APEH: variants seen among roughly 807,000 people sequenced by gnomAD.
APEH encodes the protein acylaminoacyl-peptide hydrolase, also known as acylamino-acid-releasing enzyme.
Under a neutral mutation model 102.7 loss-of-function variants are expected in APEH, and 75 were observed. The observed-to-expected ratio is 0.73, with a 90% CI of 0.61 to 0.89. The LOEUF is 0.89. APEH is among the 40% of genes least tolerant of loss of function. The pLI is 0.00. For missense variants in APEH, 863 were observed against 941.2 expected (o/e 0.92, Z 1.09); for synonymous variants, 344 against 362.7 (o/e 0.95, Z 0.59).
Position 49,681,123 on chromosome 3 carries a change from C to A in APEH, c.1322C>A (p.Ala441Glu). Residue 441 changes from alanine (A) to glutamate (E), a missense_variant, in exon 15 of 22, where the codon GCA becomes GAA. Ala to Glu is a moderately radical substitution (Grantham distance 107, BLOSUM62 -1). Transcript: ENST00000296456. ...PTLKVGFLPS[A>E]GKEQSVLWVS... ...CAGAAAGTTGGGTTCCTGCCTTCTG[C>A]AGGGAAGGAGCAGTCAGTGTTGTGG... The A allele has an allele frequency of 6.3e-7, 1 of 1,595,566 alleles. No homozygotes were observed. The highest frequency in any genetic ancestry group is 8.5e-7 in the Non-Finnish European group (1 of 1,170,498).
At position 49,681,888 on chromosome 3, in the gene APEH, G is replaced by A. The variant is rs758841344; in HGVS notation, c.1524G>A (p.Gly508=). Residue 508 remains glycine (G), a splice_region_variant and synonymous_variant, in exon 17 of 22, where the codon GGG becomes GGA. Transcript: ENST00000296456. ...TCACCCTCCGCTCCCTGTCTGCAGG[G>A]GGGCCCCATTCATCCTTTGTCACTG... The part of the protein sequence containing the change: ...TQVPMVVMPH[G]GPHSSFVTAW... 6.2e-7 allele frequency: 1 copy of A among 1,614,148 alleles called. No homozygotes were observed. The highest frequency in any genetic ancestry group is 8.5e-7 in the Non-Finnish European group (1 of 1,180,000).
Position 49,679,724 on chromosome 3 carries a change from C to T in APEH, c.1210+80C>T. Reference sequence around the variant, plus strand: ...AGGCAGCGGGGGACTGGAGCTCCAACATGTGGGGCAGTGATGGCATTCTCA... The same window carrying T: ...AGGCAGCGGGGGACTGGAGCTCCAATATGTGGGGCAGTGATGGCATTCTCA... On this transcript the variant is annotated intron_variant, in intron 13 of 21. Transcript: ENST00000296456. The surrounding 1 kb of genome is among the most constrained non-coding windows in gnomAD (Gnocchi z 4.3). The T allele has an allele frequency of 1.4e-6, 2 of 1,426,476 alleles. No homozygotes were observed. The highest frequency in any genetic ancestry group is 2.0e-6 in the Non-Finnish European group (2 of 1,014,112). 88.4% of individuals were successfully genotyped at this position (1,426,476 alleles called of 1,614,324 possible).
At chr3:49,682,010 A>G (rs566788922) in intron 17 of APEH, 43 bp downstream of exon 17, 1 of 1,580,466 alleles carries the variant, frequency 6.3e-7, no homozygotes, top group East Asian at 2.2e-5. Context: ...ACTACAGTGG[A>G]GTGACGGGGG....
chr3:49,683,770 G>T lies in APEH; in HGVS notation c.*428G>T. Reference sequence around the variant, plus strand: ...GAGTATGTCTGGAGGACTAGTGTGAGGCCCTGTCTTTCCACGGCACCCATG... The same window carrying T: ...GAGTATGTCTGGAGGACTAGTGTGATGCCCTGTCTTTCCACGGCACCCATG... On this transcript the variant is annotated 3_prime_UTR_variant, in exon 22 of 22. Coordinates refer to ENST00000296456, the MANE Select transcript of APEH (RefSeq NM_001640.4). The T allele has an allele frequency of 1.8e-6, 1 of 547,492 alleles. No individual in the cohort carries two copies. Among genetic ancestry groups the T allele is most frequent in the East Asian group, 3.2e-5 (1 of 31,320 alleles). 33.9% of individuals were successfully genotyped at this position (547,492 alleles called of 1,614,324 possible).
intron 3 of APEH, 62 bp from the exon 4 acceptor site, chr3:49,675,632 A>G (rs1285097425): frequency 6.8e-6 from 10 of 1,465,050 alleles, no homozygotes; most frequent in Non-Finnish European, 9.6e-6. Context: ...AGGTGTGCCC[A>G]GTAGGGAGCA....
rs2108132688 is a variant in APEH at position 49,683,249 on chromosome 3, T to C, written c.2106T>C (p.Tyr702=). ...TRNVPVRLLL[Y]PKSTHALSEV... is the part of the protein sequence containing the mutation. ...CTAATCCCTACAGGCTCCTGCTCTATCCCAAAAGCACCCACGCATTATCAG... is the reference window on the plus strand; with the variant it reads ...CTAATCCCTACAGGCTCCTGCTCTACCCCAAAAGCACCCACGCATTATCAG... The change falls in exon 22 of 22, where the codon TAT becomes TAC. Residue 702 remains tyrosine, a synonymous_variant. Coordinates refer to ENST00000296456, the MANE Select transcript of APEH (RefSeq NM_001640.4). The C allele has an allele frequency of 3.1e-6, 5 of 1,613,870 alleles. No homozygotes were observed. Among genetic ancestry groups the C allele is most frequent in the Non-Finnish European group, 3.4e-6 (4 of 1,179,846 alleles).
At position 49,675,801 on chromosome 3, in the gene APEH, G is replaced by C. The variant is rs1304523048; in HGVS notation, c.366+14G>C. 6.2e-7 allele frequency: 1 copy of C among 1,613,478 alleles called. No individual in the cohort carries two copies. Among genetic ancestry groups the C allele is most frequent in the Non-Finnish European group, 8.5e-7 (1 of 1,179,398 alleles). On this transcript the variant is annotated intron_variant, in intron 4 of 21. Transcript: ENST00000296456. Reference sequence around the variant, plus strand: ...CAGTTCCTGGAGGTGAGTCTGCATGGGACCAGGTAGTGGGTGACAAGAGAG... The same window carrying C: ...CAGTTCCTGGAGGTGAGTCTGCATGCGACCAGGTAGTGGGTGACAAGAGAG...
At chr3:49,675,513 TG>T in intron 3 of APEH, 180 bp from the exon 4 acceptor site, 2 of 971,034 alleles carry the variant, frequency 2.1e-6, no homozygotes, top group Non-Finnish European at 1.5e-6. Context: ...CATGGTGGCC[TG>T]GGGAGTTGCA....
At position 49,680,620 on chromosome 3, in the gene APEH, T is replaced by C; in HGVS notation, c.1290T>C (p.Pro430=). The part of the protein sequence containing the change: ...MVAQFSTPSL[P]PTLKVGFLPS... ...CACAGTTTTCCACACCCAGCCTACC[T>C]CCAACCCTGGTGAGTGTCGGTGGGT... is the stretch of plus-strand genomic sequence containing the variant. Residue 430 remains proline (P), a synonymous_variant, in exon 14 of 22, where the codon CCT becomes CCC. Coordinates refer to ENST00000296456, the MANE Select transcript of APEH (RefSeq NM_001640.4). 6.2e-7 allele frequency: 1 copy of C among 1,613,894 alleles called. No individual in the cohort carries two copies. The highest frequency in any genetic ancestry group is 8.5e-7 in the Non-Finnish European group (1 of 1,179,934).
In APEH at chr3:49,675,302, C is replaced by CG. The variant is rs768800917; in HGVS notation, c.271dup (p.Glu91GlyfsTer56). ...ACCTGCAGGCAACAGTGTGGAGACC[C>CG]GGGGGGAGTAAGTTTGAGGGAGGAA... On this transcript the variant is annotated frameshift_variant, in exon 3 of 22. Coordinates refer to ENST00000296456, the MANE Select transcript of APEH (RefSeq NM_001640.4). LOFTEE classifies it high-confidence loss of function. 2 of 1,613,574 alleles carry CG rather than the reference C, an allele frequency of 1.2e-6. No homozygotes were observed. The highest frequency in any genetic ancestry group is 8.5e-7 in the Non-Finnish European group (1 of 1,179,834).
In APEH at chr3:49,682,947, T is replaced by C; in HGVS notation, c.1986+2T>C. 1 of 1,613,548 alleles carries C rather than the reference T, an allele frequency of 6.2e-7. No individual in the cohort carries two copies. Among genetic ancestry groups the C allele is most frequent in the Non-Finnish European group, 8.5e-7 (1 of 1,179,808 alleles). ...TCGCCCATCAGATACATCCCTCAGG[T>C]ATGCAGCCCCCTCCTTGCCCTGTGT... On this transcript the variant is annotated splice_donor_variant, in intron 20 of 21. Transcript: ENST00000296456. LOFTEE classifies it high-confidence loss of function.
In APEH at chr3:49,679,156, T is replaced by C. The variant is rs568985016; in HGVS notation, c.1158+207T>C. 6.6e-6 allele frequency among the ~76,000 whole-genome samples: 1 copy of C among 152,266 alleles called. No individual in the cohort carries two copies. Among genetic ancestry groups the C allele is most frequent in the South Asian group, 2.1e-4 (1 of 4,828 alleles). On this transcript the variant is annotated intron_variant, in intron 12 of 21. Transcript: ENST00000296456. The surrounding 1 kb of genome is among the most constrained non-coding windows in gnomAD (Gnocchi z 4.3). ...ACAGCAGAACTCAGGCCTTTTCGTC[T>C]GAGGCAGAGATGCAACCCCTCCCAG...
At position 49,683,680 on chromosome 3, in the gene APEH, G is replaced by C; in HGVS notation, c.*338G>C. 1 of 459,800 alleles carries C rather than the reference G, an allele frequency of 2.2e-6. No homozygotes were observed. Among genetic ancestry groups the C allele is most frequent in the Admixed American group, 3.7e-5 (1 of 27,260 alleles). The allele number at this position is 459,800 out of a possible 1,614,324, so 28.5% of individuals were successfully genotyped here. ...TGCCTGTCCTGGCAACCAGGACTCT[G>C]TACCAGCCTAGCTTCCCTGCTGCAG... On this transcript the variant is annotated 3_prime_UTR_variant, in exon 22 of 22. Coordinates refer to ENST00000296456, the MANE Select transcript of APEH (RefSeq NM_001640.4).
At chr3:49,677,124 AG>A (rs1400108537) in intron 10 of APEH, 100 bp downstream of exon 10, 1 of 1,535,342 alleles carries the variant, frequency 6.5e-7, no homozygotes, top group Non-Finnish European at 8.9e-7. Flanking sequence ...GGCCCTCAGT[AG>A]GTGCCCTTCT....
intron 11 of APEH, 47 bp downstream of exon 11, chr3:49,677,680 C>G: frequency 6.5e-7 from 1 of 1,533,356 alleles, no homozygotes; most frequent in Non-Finnish European, 9.0e-7. Context: ...TGTAGCTCTG[C>G]TTTCCTGCCG....
Position 49,683,362 on chromosome 3 carries a change from A to G in APEH, c.*20A>G. 1.3e-6 allele frequency: 2 copies of G among 1,588,722 alleles called. No homozygotes were observed. The highest frequency in any genetic ancestry group is 1.7e-6 in the Non-Finnish European group (2 of 1,157,350). On this transcript the variant is annotated 3_prime_UTR_variant, in exon 22 of 22. Transcript: ENST00000296456. ...AGCTGAAGCCCTGCCATTCTGCATG[A>G]GCTGATCAGCCTGTGCCACACTTCG...
chr3:49,682,076 T>A, intron 17 of APEH, 109 bp downstream of exon 17: 1 of 1,256,736 alleles, frequency 8.0e-7, no homozygotes, highest in Non-Finnish European at 1.2e-6. Flanking sequence ...GGACTTTCTC[T>A]AGCCTAGACC....
chr3:49,680,059 G>A (rs144859365), intron 13 of APEH: 11 of 237,010 alleles, frequency 4.6e-5, no homozygotes, highest in South Asian at 4.2e-4. Context: ...TGACTCCCCC[G>A]TCTTCCCCAT....
Position 49,681,200 on chromosome 3 carries a change from G to C in APEH, c.1399G>C (p.Val467Leu). Residue 467 changes from valine (V) to leucine (L), a missense_variant, in exon 15 of 22, where the codon GTG becomes CTG. Val to Leu is a conservative substitution (Grantham distance 32). Transcript: ENST00000296456. The part of the protein sequence containing the change: ...PIPDIHWGIR[V>L]LQPPPEQENV... Reference sequence around the variant, plus strand: ...TCCCGACATCCACTGGGGCATCCGGGTGCTACAGCCACCCCCAGAGCAAGA... The same window carrying C: ...TCCCGACATCCACTGGGGCATCCGGCTGCTACAGCCACCCCCAGAGCAAGA... The C allele has an allele frequency of 6.2e-7, 1 of 1,608,542 alleles. No homozygotes were observed. Among genetic ancestry groups the C allele is most frequent in the Non-Finnish European group, 8.5e-7 (1 of 1,176,926 alleles).
Sources: allele counts gnomAD v4.1 joint callset (sites outside exome capture counted in the v4.1 genomes callset), GRCh38; gene constraint gnomAD v4.1.1; non-coding constraint Gnocchi (gnomAD v3.1); transcripts MANE v1.5; gene names NCBI Gene and HGNC (gene_info 2026-07-23, HGNC 2026-07-21).